Variants in TMEM9 observed in about 807,000 individuals in gnomAD.
TMEM9 encodes proton-transporting V-type ATPase complex assembly regulator TMEM9.
TMEM9 carries 13 observed loss-of-function variants against 22.8 expected under a neutral mutation model. That is an observed-to-expected ratio of 0.57 (90% CI 0.37 to 0.91). TMEM9 has a LOEUF of 0.91. Ranked by LOEUF, TMEM9 falls within the 40% of genes least tolerant of loss-of-function variation. The probability of loss-of-function intolerance (pLI) is 0.01; values close to 1 mark genes in which losing one functional copy is unlikely to be tolerated. For missense variants in TMEM9, 182 were observed against 238.1 expected (o/e 0.76, Z 1.55); for synonymous variants, 88 against 93.0 (o/e 0.95, Z 0.31).
intron 1 of TMEM9, among the ~76,000 whole-genome samples, chr1:201,167,403 T>C (rs920428688): frequency 6.6e-6 from 1 of 152,132 alleles, no homozygotes; most frequent in Non-Finnish European, 1.5e-5. Context: ...TCCTCTTGGG[T>C]TGAGTTGCTT....
intron 4 of TMEM9, among the ~76,000 whole-genome samples, chr1:201,141,488 G>C (rs1664524360): frequency 6.6e-6 from 1 of 152,180 alleles, no homozygotes; most frequent in Admixed American, 6.5e-5. Flanking sequence ...CACCCAATGA[G>C]ATCTACCTGC....
chr1:201,141,280 C>G (rs886172223), intron 4 of TMEM9, among the ~76,000 whole-genome samples: 1 of 152,268 alleles, frequency 6.6e-6, no homozygotes, highest in Non-Finnish European at 1.5e-5. Flanking sequence ...GGGGCTTAAA[C>G]CCCCGAGGGC....
intron 4 of TMEM9, among the ~76,000 whole-genome samples, chr1:201,143,076 A>G (rs7545363): frequency 0.73 from 110,701 of 152,108 alleles, 40,479 homozygotes; most frequent in Non-Finnish European, 0.77. Context: ...TGTTAACTGC[A>G]CTGGGCCTGG....
At chr1:201,152,831 C>T (rs1373740299) in intron 1 of TMEM9, among the ~76,000 whole-genome samples, 1 of 152,206 alleles carries the variant, frequency 6.6e-6, no homozygotes, top group Non-Finnish European at 1.5e-5. Flanking sequence ...TGACGGGCTT[C>T]TTGAAAGACT....
chr1:201,159,673 C>A (rs1665893683), intron 1 of TMEM9, among the ~76,000 whole-genome samples: 1 of 151,708 alleles, frequency 6.6e-6, no homozygotes. Context: ...TTTGACCTCC[C>A]AGTGTTGGGA....
intron 3 of TMEM9, 138 bp from the exon 4 acceptor site, chr1:201,144,089 G>T: frequency 1.2e-6 from 1 of 852,576 alleles, no homozygotes; most frequent in Non-Finnish European, 1.8e-6. Context: ...GAGGCAACGT[G>T]GGCTCAGAGG....
Position 201,153,982 on chromosome 1 carries a change from G to C in TMEM9, c.-59C>G. ...CACCTGGAAAAAGAGATACGGAGTC[G>C]GAGAAGGGGAAGGTGGCCACACCGC... On this transcript the variant is annotated 5_prime_UTR_variant, in exon 1 of 5. Transcript: ENST00000367330. 1 of 1,557,078 alleles carries C rather than the reference G, an allele frequency of 6.4e-7. No individual in the cohort carries two copies. Among genetic ancestry groups the C allele is most frequent in the South Asian group, 1.2e-5 (1 of 81,520 alleles).
At chr1:201,163,384 G>A (rs12130240) in intron 1 of TMEM9, among the ~76,000 whole-genome samples, 17,897 of 152,188 alleles carry the variant, frequency 0.12, 1,318 homozygotes, top group Middle Eastern at 0.17. Context: ...GAGGTCAGGA[G>A]TTTGAAACCA....
rs181400744 is a variant in TMEM9 at position 201,139,005 on chromosome 1, C to T, written c.400-3190G>A. On this transcript the variant is annotated intron_variant, in intron 4 of 4. Transcript: ENST00000367330. Reference sequence around the variant, plus strand: ...AGGAACCAATGCTCAGGACATCAAGCGAGGCCCTCTTCTCCACACTGGAAG... The same window carrying T: ...AGGAACCAATGCTCAGGACATCAAGTGAGGCCCTCTTCTCCACACTGGAAG... Among the ~76,000 whole-genome samples the T allele has an allele frequency of 5.8e-4, 89 of 152,328 alleles. 2 individuals carry two copies. The highest frequency in any genetic ancestry group is 1.2e-3 in the East Asian group (6 of 5,188).
chr1:201,138,743 C>G (rs1664236536), intron 4 of TMEM9, among the ~76,000 whole-genome samples: 1 of 152,240 alleles, frequency 6.6e-6, no homozygotes, highest in Admixed American at 6.5e-5. Context: ...GTAAAACCAT[C>G]CCCTATTGTA....
At chr1:201,155,129 G>A (rs893083901), upstream of TMEM9, among the ~76,000 whole-genome samples, 3 of 152,222 alleles carry the variant, frequency 2.0e-5, no homozygotes, top group African/African-American at 7.2e-5. Context: ...GTGAAGGAAA[G>A]GGGAGTCATA....
At chr1:201,141,837 GCAAGCTGCTCTCCC>G (rs1473652743) in intron 4 of TMEM9, among the ~76,000 whole-genome samples, 1 of 152,144 alleles carries the variant, frequency 6.6e-6, no homozygotes, top group East Asian at 1.9e-4. Flanking sequence ...CCCAGGGACG[GCAAGCTGCTCTCCC>G]CAAGCTGCCC....
chr1:201,149,087 A>C (rs1348951206), intron 2 of TMEM9, among the ~76,000 whole-genome samples: 3 of 152,220 alleles, frequency 2.0e-5, no homozygotes, highest in African/African-American at 7.2e-5. Context: ...CCAAGGTGTC[A>C]GGGGCAGTTT....
chr1:201,153,705 T>C, intron 1 of TMEM9, 153 bp downstream of exon 1: 1 of 1,541,726 alleles, frequency 6.5e-7, no homozygotes, highest in East Asian at 2.5e-5. Flanking sequence ...GCCAGCAGCC[T>C]TGAACCTGAA....
intron 1 of TMEM9, among the ~76,000 whole-genome samples, chr1:201,164,690 C>A (rs1200532723): frequency 6.6e-6 from 1 of 152,200 alleles, no homozygotes; most frequent in African/African-American, 2.4e-5. Flanking sequence ...ATCACTGTCT[C>A]CATTTCTTGG....
chr1:201,149,295 C>T (rs1314024198), intron 2 of TMEM9, among the ~76,000 whole-genome samples: 1 of 152,152 alleles, frequency 6.6e-6, no homozygotes, highest in Non-Finnish European at 1.5e-5. Context: ...TTTTGGGACC[C>T]ACAGGAACCA....
At chr1:201,147,059 A>C (rs1230648904) in intron 2 of TMEM9, among the ~76,000 whole-genome samples, 3 of 152,092 alleles carry the variant, frequency 2.0e-5, no homozygotes, top group African/African-American at 7.2e-5. Flanking sequence ...TACACATCAA[A>C]ACCAGCTCTC....
chr1:201,160,944 A>G (rs1311271527), intron 1 of TMEM9, among the ~76,000 whole-genome samples: 1 of 152,014 alleles, frequency 6.6e-6, no homozygotes, highest in Non-Finnish European at 1.5e-5. Flanking sequence ...TCCAAAAAAA[A>G]AAAAAAATAT....
chr1:201,156,169 AACAGAAGG>A (rs1031685345), upstream of TMEM9, among the ~76,000 whole-genome samples: 3 of 152,172 alleles, frequency 2.0e-5, no homozygotes, highest in Non-Finnish European at 4.4e-5. Flanking sequence ...TTCCTCATCA[AACAGAAGG>A]GAGGCCTTCC....
Sources: allele counts gnomAD v4.1 joint callset (sites outside exome capture counted in the v4.1 genomes callset), GRCh38; gene constraint gnomAD v4.1.1; transcripts MANE v1.5; gene names NCBI Gene and HGNC (gene_info 2026-07-23, HGNC 2026-07-21).